Variants in IFNAR2 observed in about 807,000 individuals in gnomAD.
IFNAR2 encodes the protein interferon alpha/beta receptor 2.
Under a neutral mutation model 49.4 loss-of-function variants are expected in IFNAR2, and 30 were observed. That is an observed-to-expected ratio of 0.61 (90% CI 0.45 to 0.82). The LOEUF (loss-of-function observed/expected upper bound fraction) is 0.82, where lower values mean the gene tolerates loss of function less well. Among genes scored for constraint, IFNAR2 ranks in the 40% least tolerant of loss-of-function variants. IFNAR2 has a pLI of 0.00. For synonymous variants in IFNAR2, 224 were observed against 234.5 expected (o/e 0.96, Z 0.41); for missense variants, 600 against 622.7 (o/e 0.96, Z 0.39).
chr21:33,246,287 G>A (rs913630640), intron 4 of IFNAR2, among the ~76,000 whole-genome samples: 5 of 152,108 alleles, frequency 3.3e-5, no homozygotes, highest in African/African-American at 7.2e-5. Flanking sequence ...AGCCAGGATG[G>A]TCTCAATCTC....
At chr21:33,252,081 C>CATCTATCTATCT (rs61192253) in intron 6 of IFNAR2, 32,242 of 380,686 alleles carry the variant, frequency 0.085, 1,654 homozygotes, top group Non-Finnish European at 0.11. Flanking sequence ...AGACCCCATC[C>CATCTATCTATCT]ATCTATCTAT....
chr21:33,239,771 A>G (rs1034270042), intron 1 of IFNAR2, among the ~76,000 whole-genome samples: 1 of 151,192 alleles, frequency 6.6e-6, no homozygotes, highest in Non-Finnish European at 1.5e-5. Context: ...GAGTGGTCAC[A>G]GCCCTCAATG....
rs1344485788 is a variant in IFNAR2, at chr21:33,243,666, C to T, written c.56-7C>T. 3 of 1,611,704 alleles carry T rather than the reference C, an allele frequency of 1.9e-6. No homozygotes were observed. Among genetic ancestry groups the T allele is most frequent in the Non-Finnish European group, 2.5e-6 (3 of 1,178,078 alleles). The stretch of plus-strand genomic sequence containing the variant: ...ATTGCCTCTCTAATGTGTTTTCTTC[C>T]TTCTAGTGTATATCAGCCTCGTGTT... On this transcript the variant is annotated splice_region_variant and splice_polypyrimidine_tract_variant and intron_variant, in intron 2 of 8. Coordinates refer to ENST00000342136, the MANE Select transcript of IFNAR2 (RefSeq NM_001289125.3).
At chr21:33,248,596 A>T in intron 5 of IFNAR2, 113 bp from the exon 6 acceptor site, 1 of 904,896 alleles carries the variant, frequency 1.1e-6, no homozygotes, top group South Asian at 2.1e-5. Context: ...ATTATGATGT[A>T]AATCAGGACT....
rs1376591604 is a variant in IFNAR2, at chr21:33,241,896, C to T, written c.-27C>T. 3 of 1,608,852 alleles carry T rather than the reference C, an allele frequency of 1.9e-6. No homozygotes were observed. The highest frequency in any genetic ancestry group is 2.2e-5 in the South Asian group (2 of 90,684). On this transcript the variant is annotated 5_prime_UTR_variant, in exon 2 of 9. Transcript: ENST00000342136. ...TAATGTTGATTTCAGATGTAAAAGT[C>T]AAGAGAAGACTCTAAAAATAGCAAA...
At chr21:33,234,628 C>G (rs756402819) in intron 1 of IFNAR2, 4 of 446,660 alleles carry the variant, frequency 9.0e-6, no homozygotes, top group Admixed American at 6.4e-5. Context: ...AATCACTTCA[C>G]TCAATCCATC....
intron 5 of IFNAR2, among the ~76,000 whole-genome samples, chr21:33,247,250 C>CTTTTTTTT (rs1476408945): frequency 6.0e-5 from 5 of 83,792 alleles, no homozygotes; most frequent in Admixed American, 1.4e-4. Flanking sequence ...TTCTTTCTTT[C>CTTTTTTTT]TTTCTTTTTT....
chr21:33,233,481 C>A (rs2123440669), intron 1 of IFNAR2, among the ~76,000 whole-genome samples: 1 of 152,164 alleles, frequency 6.6e-6, no homozygotes, highest in South Asian at 2.1e-4. Flanking sequence ...TACGGAAGCA[C>A]TACGATATCT....
chr21:33,243,618 G>C, intron 2 of IFNAR2, 55 bp from the exon 3 acceptor site: 1 of 1,439,394 alleles, frequency 6.9e-7, no homozygotes, highest in Non-Finnish European at 9.8e-7. Context: ...AGTAATCATT[G>C]CAAGTTGAGC....
chr21:33,258,162 A>C (rs933630840), intron 7 of IFNAR2, among the ~76,000 whole-genome samples: 2 of 152,104 alleles, frequency 1.3e-5, no homozygotes, highest in Non-Finnish European at 2.9e-5. Context: ...AAAATTAGCC[A>C]GGCGTGGTGG....
chr21:33,241,820 TC>T lies in IFNAR2; in HGVS notation c.-83-17del. On this transcript the variant is annotated intron_variant, in intron 1 of 8. Coordinates refer to ENST00000342136, the MANE Select transcript of IFNAR2 (RefSeq NM_001289125.3). ...AGGTCTCTCATTATCTTGTCTTTGCTCCCATTTTTATATTTGCAGTTTAATT... is the reference window on the plus strand; with the variant it reads ...AGGTCTCTCATTATCTTGTCTTTGCTCCATTTTTATATTTGCAGTTTAATT... 6.4e-7 allele frequency: 1 copy of T among 1,552,414 alleles called. No individual in the cohort carries two copies.
chr21:33,248,139 G>C (rs944948712), intron 5 of IFNAR2, among the ~76,000 whole-genome samples: 13 of 152,172 alleles, frequency 8.5e-5, no homozygotes, highest in Non-Finnish European at 1.5e-5. Context: ...TCCATCTGAA[G>C]TAATTGGCAG....
rs781265873 is a variant in IFNAR2, at chr21:33,263,545, GTTCT to G, written c.*48_*51del. ...ACTTGGACAGACAAGCACCTACAGG[GTTCT>G]TTGTCTCTGCATCCTAACTTGCTGC... is the stretch of plus-strand genomic sequence containing the variant. On this transcript the variant is annotated 3_prime_UTR_variant, in exon 9 of 9. Coordinates refer to ENST00000342136, the MANE Select transcript of IFNAR2 (RefSeq NM_001289125.3). 1.0e-5 allele frequency: 16 copies of G among 1,530,984 alleles called. No individual in the cohort carries two copies. Among genetic ancestry groups the G allele is most frequent in the Non-Finnish European group, 1.4e-5 (16 of 1,143,192 alleles). 94.8% of individuals were successfully genotyped at this position (1,530,984 alleles called of 1,614,324 possible).
At chr21:33,240,435 A>G (rs1986834559) in intron 1 of IFNAR2, among the ~76,000 whole-genome samples, 1 of 152,212 alleles carries the variant, frequency 6.6e-6, no homozygotes, top group African/African-American at 2.4e-5. Context: ...TCATACAACA[A>G]AATAGCCTAA....
At chr21:33,240,416 C>T (rs1160734996) in intron 1 of IFNAR2, among the ~76,000 whole-genome samples, 3 of 152,154 alleles carry the variant, frequency 2.0e-5, no homozygotes, top group African/African-American at 7.2e-5. Context: ...TCTAAGTATA[C>T]TCTGATGTTC....
chr21:33,253,453 T>G (rs1988001465), intron 7 of IFNAR2, among the ~76,000 whole-genome samples: 1 of 152,152 alleles, frequency 6.6e-6, no homozygotes, highest in African/African-American at 2.4e-5. Flanking sequence ...TTTCCACCTG[T>G]TTTACCAAAA....
rs1987062383 is a variant in IFNAR2, at chr21:33,242,763, GTGTGTGTGTGTGTGTGTGTGTGT to G, written c.55+787_55+809del. Among the ~76,000 whole-genome samples, 5 of 1,560 alleles carry G rather than the reference GTGTGTGTGTGTGTGTGTGTGTGT, an allele frequency of 3.2e-3. 1 individual carries two copies. The highest frequency in any genetic ancestry group is 6.0e-3 in the Non-Finnish European group (4 of 664). 1.0% of individuals were successfully genotyped at this position (1,560 alleles called of 152,430 possible). ...AAAAAAAAAAATCTCGTGTGCGTGT[GTGTGTGTGTGTGTGTGTGTGTGT>G]GTGTGTGTGTGTGTGTGTTTTGAGG... is the stretch of plus-strand genomic sequence containing the variant. On this transcript the variant is annotated intron_variant, in intron 2 of 8. Coordinates refer to ENST00000342136, the MANE Select transcript of IFNAR2 (RefSeq NM_001289125.3).
intron 1 of IFNAR2, among the ~76,000 whole-genome samples, chr21:33,234,246 G>A (rs1159605864): frequency 7.0e-6 from 1 of 142,318 alleles, no homozygotes; most frequent in Non-Finnish European, 1.5e-5. Flanking sequence ...AAGATCTGTG[G>A]GATTATGTTC....
In IFNAR2 at chr21:33,263,403, C is replaced by T. The variant is rs779856537; in HGVS notation, c.1451C>T (p.Pro484Leu). The T allele has an allele frequency of 2.2e-5, 35 of 1,613,978 alleles. No individual in the cohort carries two copies. The highest frequency in any genetic ancestry group is 1.7e-4 in the Admixed American group (10 of 59,996). Residue 484 changes from proline (P) to leucine (L), a missense_variant, in exon 9 of 9, where the codon CCC becomes CTC. Coordinates refer to ENST00000342136, the MANE Select transcript of IFNAR2 (RefSeq NM_001289125.3). ...GEGTQPTFPS[P>L]SSEGLWSEDA... ...GGGACACAGCCAACCTTTCCCAGCC[C>T]CTCTTCAGAGGGCCTGTGGTCCGAA...
Sources: allele counts gnomAD v4.1 joint callset (sites outside exome capture counted in the v4.1 genomes callset), GRCh38; gene constraint gnomAD v4.1.1; transcripts MANE v1.5; gene names NCBI Gene and HGNC (gene_info 2026-07-23, HGNC 2026-07-21).